The following AKT2 variants were observed in gnomAD, a reference collection of about 807,000 sequenced individuals.
AKT2 encodes the protein RAC-beta serine/threonine-protein kinase.
In AKT2, 16 loss-of-function variants were observed where a neutral mutation model predicts 58.6. That is an observed-to-expected ratio of 0.27 (90% confidence interval 0.18 to 0.41). The LOEUF (loss-of-function observed/expected upper bound fraction) is 0.41, where lower values mean the gene tolerates loss of function less well. AKT2 is among the 10% of genes least tolerant of loss of function. The pLI is 1.00. For synonymous variants in AKT2, 253 were observed against 254.0 expected, an observed-to-expected ratio of 1.00 and a Z score of 0.04; for missense variants, 438 against 661.0, an observed-to-expected ratio of 0.66 and a Z score of 3.70.
rs759269853 is a variant in AKT2, at chr19:40,235,865, G to A, written c.1175+25C>T. On this transcript the variant is annotated intron_variant, in intron 11 of 13. Coordinates refer to ENST00000392038, the MANE Select transcript of AKT2 (RefSeq NM_001626.6). This position sits in a 1 kb window ranked among gnomAD's most constrained non-coding sequence, Gnocchi z 6.3. ...CAGTGGCAGCAGCTGGCGCTGGGCT[G>A]GGTGGGGCCGACGCCAGCCCTCACC... The A allele has an allele frequency of 3.1e-6, 5 of 1,593,064 alleles. No individual in the cohort carries two copies. Among genetic ancestry groups the A allele is most frequent in the South Asian group, 1.1e-5 (1 of 90,212 alleles).
In AKT2 at chr19:40,242,947, G is replaced by A; in HGVS notation, c.288-260C>T. On this transcript the variant is annotated intron_variant, in intron 4 of 13. Coordinates refer to ENST00000392038, the MANE Select transcript of AKT2 (RefSeq NM_001626.6). The surrounding 1 kb of genome is among the most constrained non-coding windows in gnomAD (Gnocchi z 4.3). ...ATGGATCACAAGGTCAGGAGTTCGAGACCAGCCTGGCCAACATGGTGAAAC... is the reference window on the plus strand; with the variant it reads ...ATGGATCACAAGGTCAGGAGTTCGAAACCAGCCTGGCCAACATGGTGAAAC... 2.2e-6 allele frequency: 1 copy of A among 459,156 alleles called. No individual in the cohort carries two copies. The highest frequency in any genetic ancestry group is 4.1e-6 in the Non-Finnish European group (1 of 246,678). The allele number at this position is 459,156 out of a possible 1,614,324, so 28.4% of individuals were successfully genotyped here.
chr19:40,260,628 C>CAAAAAAAAA (rs34124347), intron 2 of AKT2, among the ~76,000 whole-genome samples: 11 of 25,006 alleles, frequency 4.4e-4, no homozygotes, highest in African/African-American at 9.3e-4. Context: ...GATTCCATCT[C>CAAAAAAAAA]AAAAAAAAAA....
At chr19:40,271,505 A>G (rs535239483) in intron 1 of AKT2, among the ~76,000 whole-genome samples, 2 of 151,952 alleles carry the variant, frequency 1.3e-5, no homozygotes, top group African/African-American at 4.8e-5. Context: ...GCTCATGGGA[A>G]CTCAGGAGAA....
intron 1 of AKT2, among the ~76,000 whole-genome samples, chr19:40,267,399 G>C (rs1976434368): frequency 6.6e-6 from 1 of 152,118 alleles, no homozygotes; most frequent in South Asian, 2.1e-4. Flanking sequence ...GACTCTCCAT[G>C]TTATGCTTCT....
In AKT2 at chr19:40,238,971, C is replaced by T. The variant is rs770666814; in HGVS notation, c.642G>A (p.Ala214=). 2.0e-5 allele frequency: 33 copies of T among 1,613,810 alleles called. No individual in the cohort carries two copies. In the South Asian group the frequency reaches 3.1e-4, roughly 15 times the overall value. Residue 214 remains alanine (A), a splice_region_variant and synonymous_variant, in exon 8 of 14, where the codon GCG becomes GCA. Transcript: ENST00000392038. This position sits in a 1 kb window ranked among gnomAD's most constrained non-coding sequence, Gnocchi z 5.1. ...LQNTRHPFLT[A]LKYAFQTHDR... is the part of the protein sequence containing the mutation. ...CGTGGGTCTGGAAGGCATACTTCAG[C>T]GCCTGGGGGATGAAGGCAGCAGGGT...
At chr19:40,248,850 G>A (rs1375284812) in intron 4 of AKT2, among the ~76,000 whole-genome samples, 1 of 145,554 alleles carries the variant, frequency 6.9e-6, no homozygotes, top group Non-Finnish European at 1.5e-5. Context: ...GAGTGCAGGA[G>A]ATGAGGACAG....
rs1599942733 is a variant in AKT2 at position 40,233,389 on chromosome 19, T to C, written c.*483A>G. 3 of 439,016 alleles carry C rather than the reference T, an allele frequency of 6.8e-6. No individual in the cohort carries two copies. Among genetic ancestry groups the C allele is most frequent in the South Asian group, 2.1e-5 (1 of 48,012 alleles). 27.2% of individuals were successfully genotyped at this position (439,016 alleles called of 1,614,324 possible). On this transcript the variant is annotated 3_prime_UTR_variant, in exon 14 of 14. Transcript: ENST00000392038. The surrounding 1 kb of genome is among the most constrained non-coding windows in gnomAD (Gnocchi z 4.3). The stretch of plus-strand genomic sequence containing the variant: ...CCATAGGGGGACAGCGGGTGGGGGA[T>C]TGGACCGCCCCGTGCCTGGCCACTC...
intron 1 of AKT2, 34 bp downstream of exon 1, chr19:40,285,147 G>GA (rs2077492543): frequency 2.5e-6 from 1 of 392,922 alleles, no homozygotes; most frequent in East Asian, 3.6e-5. Context: ...CCATCGTGGG[G>GA]GGGGCGTTCG....
At chr19:40,261,905 GTT>G (rs969695459) in intron 2 of AKT2, among the ~76,000 whole-genome samples, 2 of 55,830 alleles carry the variant, frequency 3.6e-5, no homozygotes. Context: ...TTTCATCCCC[GTT>G]TTTTTTTTTT....
rs1254291686 is a variant in AKT2 at position 40,237,516 on chromosome 19, G to T, written c.831+453C>A. ...AAAAATTAGCTGGGCATGGTGGCGG[G>T]CACCTGTAATCCCACCTATTCGGGA... On this transcript the variant is annotated intron_variant, in intron 9 of 13. Transcript: ENST00000392038. This position sits in a 1 kb window ranked among gnomAD's most constrained non-coding sequence, Gnocchi z 4.5. 6.0e-6 allele frequency: 1 copy of T among 167,042 alleles called. No individual in the cohort carries two copies. Among genetic ancestry groups the T allele is most frequent in the Non-Finnish European group, 1.3e-5 (1 of 76,204 alleles). 10.3% of individuals were successfully genotyped at this position (167,042 alleles called of 1,614,324 possible).
At chr19:40,285,149 G>C (rs1267272558) in intron 1 of AKT2, 32 bp downstream of exon 1, 1 of 392,912 alleles carries the variant, frequency 2.5e-6, no homozygotes, top group Non-Finnish European at 4.5e-6. Context: ...ATCGTGGGGG[G>C]GGCGTTCGGG....
intron 1 of AKT2, among the ~76,000 whole-genome samples, chr19:40,268,347 G>A (rs1976507201): frequency 1.3e-5 from 2 of 152,208 alleles, no homozygotes; most frequent in African/African-American, 4.8e-5. Flanking sequence ...CTACTGCCTG[G>A]CGCCCAGTGA....
Position 40,233,828 on chromosome 19 carries a change from G to A in AKT2, c.*44C>T. On this transcript the variant is annotated 3_prime_UTR_variant, in exon 14 of 14. Coordinates refer to ENST00000392038, the MANE Select transcript of AKT2 (RefSeq NM_001626.6). This position sits in a 1 kb window ranked among gnomAD's most constrained non-coding sequence, Gnocchi z 4.3. The stretch of plus-strand genomic sequence containing the variant: ...AAAGTTAGGGGGAAAAAACCACCCA[G>A]CGGTGATGGCAGCGAGCGTGCGTCC... The A allele has an allele frequency of 6.3e-7, 1 of 1,596,628 alleles. No homozygotes were observed. The highest frequency in any genetic ancestry group is 8.5e-7 in the Non-Finnish European group (1 of 1,172,720).
In AKT2 at chr19:40,253,654, A is replaced by G. The variant is rs186774904; in HGVS notation, c.287+1504T>C. Among the ~76,000 whole-genome samples the G allele has an allele frequency of 6.0e-4, 92 of 152,220 alleles. 1 individual carries two copies. The highest frequency in any genetic ancestry group is 1.0e-3 in the South Asian group (5 of 4,826). ...CATCGCCTAATAGAAACATCGCAAA[A>G]CCACAAACTTATTTTCCCTGTGCCT... is the stretch of plus-strand genomic sequence containing the variant. On this transcript the variant is annotated intron_variant, in intron 4 of 13. Transcript: ENST00000392038.
At chr19:40,246,118 G>A (rs1316924291) in intron 4 of AKT2, among the ~76,000 whole-genome samples, 2 of 151,348 alleles carry the variant, frequency 1.3e-5, no homozygotes, top group South Asian at 2.1e-4. Context: ...AGCAGGGGCC[G>A]GGGACAGGGC....
chr19:40,255,021 GGAGAGACCCCCCAACCA>G lies in AKT2; in HGVS notation c.287+120_287+136del. 5 of 698,136 alleles carry G rather than the reference GGAGAGACCCCCCAACCA, an allele frequency of 7.2e-6. No homozygotes were observed. In the East Asian group the frequency reaches 1.4e-4, roughly 20 times the overall value. The allele number at this position is 698,136 out of a possible 1,614,324, so 43.2% of individuals were successfully genotyped here. On this transcript the variant is annotated intron_variant, in intron 4 of 13. Transcript: ENST00000392038. ...ACCCCAGCTCTTCTCAGCCCCAGCTGGAGAGACCCCCCAACCAGAAGCGCAGATAGGAAACCCCTATG... is the reference window on the plus strand; with the variant it reads ...ACCCCAGCTCTTCTCAGCCCCAGCTGGAAGCGCAGATAGGAAACCCCTATG...
intron 1 of AKT2, among the ~76,000 whole-genome samples, chr19:40,277,552 C>T (rs2077349178): frequency 6.6e-6 from 1 of 152,278 alleles, no homozygotes; most frequent in African/African-American, 2.4e-5. Context: ...AGGCCCTGAG[C>T]CCTGCCACCC....
At chr19:40,265,477 G>T in intron 1 of AKT2, 126 bp from the exon 2 acceptor site, 1 of 1,325,402 alleles carries the variant, frequency 7.5e-7, no homozygotes, top group Non-Finnish European at 1.0e-6. Context: ...GGCCAGCAAG[G>T]GTGGCGTGGA....
chr19:40,261,997 G>A (rs1040936172), intron 2 of AKT2, among the ~76,000 whole-genome samples: 5 of 151,900 alleles, frequency 3.3e-5, no homozygotes, highest in African/African-American at 1.2e-4. Context: ...GGAGCACTTG[G>A]GAGAGCTTCC....
Sources: gnomAD v4.1 joint callset for allele counts (sites outside exome capture counted in the v4.1 genomes callset) on GRCh38, gnomAD v4.1.1 for gene constraint, Gnocchi (gnomAD v3.1) non-coding constraint, MANE v1.5 for transcripts, NCBI Gene and HGNC (gene_info 2026-07-23, HGNC 2026-07-21) for gene names.